Variants in CAPN14 observed in about 807,000 individuals in gnomAD.
CAPN14 encodes the protein calpain 14.
A neutral mutation model predicts 101.3 loss-of-function variants in CAPN14; 94 were observed. The ratio of observed to expected loss-of-function variants is 0.93; its 90% confidence interval spans 0.79 to 1.10. The LOEUF is 1.10. Among genes scored for constraint, CAPN14 ranks in the 50% least tolerant of loss-of-function variants. The pLI is 0.00. For missense variants in CAPN14, 837 were observed against 828.4 expected (o/e 1.01, Z -0.13); for synonymous variants, 338 against 317.9 (o/e 1.06, Z -0.67).
chr2:31,176,195 T>A (rs552354163), intron 21 of CAPN14, among the ~76,000 whole-genome samples: 5 of 152,172 alleles, frequency 3.3e-5, no homozygotes, highest in Non-Finnish European at 5.9e-5. Context: ...CAGAGTTTCC[T>A]CAGTTCAGGT....
Position 31,230,142 on chromosome 2 carries a change from A to G in CAPN14, c.-176-3491T>C, listed in dbSNP as rs181190074. On this transcript the variant is annotated intron_variant and NMD_transcript_variant, in intron 1 of 21. Coordinates refer to the CAPN14 transcript ENST00000398824. The surrounding 1 kb of genome is among the most constrained non-coding windows in gnomAD (Gnocchi z 4.3). ...ATTTCATCACCCAGGTGTTAAGTCT[A>G]GTAACCAATAGTTCTTGCTTTTTGT... Among the ~76,000 whole-genome samples the G allele has an allele frequency of 7.3e-3, 1,108 of 152,324 alleles. 8 individuals are homozygous for G. Among genetic ancestry groups the G allele is most frequent in the East Asian group, 0.014 (72 of 5,186 alleles).
At chr2:31,196,031 GCAT>G (rs1321066292) in intron 8 of CAPN14, among the ~76,000 whole-genome samples, 1 of 152,036 alleles carries the variant, frequency 6.6e-6, no homozygotes, top group Non-Finnish European at 1.5e-5. Context: ...TAAAAGTGCC[GCAT>G]ATTCTCAAGG....
chr2:31,197,192 A>G (rs1015730005), intron 8 of CAPN14, 57 bp downstream of exon 8: 2 of 1,174,156 alleles, frequency 1.7e-6, no homozygotes, highest in African/African-American at 3.1e-5. Flanking sequence ...TGCAAATGGC[A>G]GCCTCCTTTG....
At chr2:31,215,950 G>A (rs868851112) in intron 1 of CAPN14, among the ~76,000 whole-genome samples, 1 of 150,852 alleles carries the variant, frequency 6.6e-6, no homozygotes. Context: ...CAACAGAAAT[G>A]CTTAAATCTA....
In CAPN14 at chr2:31,201,925, A is replaced by T; in HGVS notation, c.488T>A (p.Val163Asp). Reference sequence around the variant, plus strand: ...GTTCTTATAGGTGGAGGAGACAAAGACCAGCTGGCCAGCCTCATTCACAGG... The same window carrying T: ...GTTCTTATAGGTGGAGGAGACAAAGTCCAGCTGGCCAGCCTCATTCACAGG... ...RLPVNEAGQLVFVSSTYKNLF... is the reference protein window; with the variant it reads ...RLPVNEAGQLDFVSSTYKNLF... The change falls in exon 5 of 22, where the codon GTC (valine) becomes GAC (aspartate). Residue 163 changes from valine to aspartate, a missense_variant. Coordinates refer to ENST00000403897, the MANE Select transcript of CAPN14 (RefSeq NM_001145122.2). 1 of 1,551,710 alleles carries T rather than the reference A, an allele frequency of 6.4e-7. No individual in the cohort carries two copies.
intron 12 of CAPN14, among the ~76,000 whole-genome samples, chr2:31,189,924 T>A (rs1681092172): frequency 6.6e-6 from 1 of 152,226 alleles, no homozygotes; most frequent in East Asian, 1.9e-4. Context: ...TCCATGTATG[T>A]GATATGGCAT....
At chr2:31,178,383 G>T (rs554831318) in intron 18 of CAPN14, 128 bp downstream of exon 18, 1 of 714,322 alleles carries the variant, frequency 1.4e-6, no homozygotes, top group Non-Finnish European at 2.4e-6. Flanking sequence ...CTCACCGAAG[G>T]GAGAATAGAG....
chr2:31,180,451 A>C (rs1680534277), intron 17 of CAPN14, among the ~76,000 whole-genome samples: 1 of 152,310 alleles, frequency 6.6e-6, no homozygotes, highest in South Asian at 2.1e-4. Context: ...AGGGCTGAGA[A>C]AGGACAGCTG....
intron 14 of CAPN14, 150 bp downstream of exon 14, chr2:31,188,168 G>T: frequency 1.4e-6 from 1 of 727,302 alleles, no homozygotes. Context: ...CCCAGGTACT[G>T]TTAGGATACA....
chr2:31,192,103 A>AGCAGAACACAGCAAGG lies in CAPN14; in HGVS notation c.1115-21_1115-6dup. 6.5e-7 allele frequency: 1 copy of AGCAGAACACAGCAAGG among 1,539,532 alleles called. No homozygotes were observed. The highest frequency in any genetic ancestry group is 8.8e-7 in the Non-Finnish European group (1 of 1,140,108). ...GCGGGTTCTTCCAAAATGTGTCTGG[A>AGCAGAACACAGCAAGG]GCAGAACACAGCAAGGTGAGAATGG... is the stretch of plus-strand genomic sequence containing the variant. On this transcript the variant is annotated splice_polypyrimidine_tract_variant and splice_region_variant and intron_variant, in intron 10 of 21. Coordinates refer to ENST00000403897, the MANE Select transcript of CAPN14 (RefSeq NM_001145122.2).
At chr2:31,198,974 T>C (rs1681610020) in intron 7 of CAPN14, among the ~76,000 whole-genome samples, 1 of 152,216 alleles carries the variant, frequency 6.6e-6, no homozygotes, top group African/African-American at 2.4e-5. Flanking sequence ...TTCTCTCAGT[T>C]TCAACTTTGC....
chr2:31,174,811 G>C, intron 21 of CAPN14, 104 bp from the exon 22 acceptor site: 1 of 1,111,670 alleles, frequency 9.0e-7, no homozygotes, highest in Non-Finnish European at 1.3e-6. Context: ...AACATTAATG[G>C]ATGGTTTAGC....
In CAPN14 at chr2:31,181,446, T is replaced by C. The variant is rs192019086; in HGVS notation, c.1646-446A>G. Among the ~76,000 whole-genome samples the C allele has an allele frequency of 5.4e-3, 768 of 141,826 alleles. 9 individuals carry two copies. Among genetic ancestry groups the C allele is most frequent in the African/African-American group, 0.019 (723 of 37,308 alleles). The allele number at this position is 141,826 out of a possible 152,430, so 93.0% of individuals were successfully genotyped here. On this transcript the variant is annotated intron_variant, in intron 16 of 21. Coordinates refer to ENST00000403897, the MANE Select transcript of CAPN14 (RefSeq NM_001145122.2). ...TCTTTCTTTCTTTCTTTCTTTCTTT[T>C]TCTTTCTTTTTTTCTCTTTTTCTTT...
At chr2:31,219,877 A>G (rs1682808546), upstream of CAPN14, among the ~76,000 whole-genome samples, 1 of 152,170 alleles carries the variant, frequency 6.6e-6, no homozygotes, top group Non-Finnish European at 1.5e-5. Flanking sequence ...GCAAACATTC[A>G]AAGGAGGTCA....
chr2:31,193,067 A>G (rs984694714), intron 10 of CAPN14, 64 bp downstream of exon 10: 12 of 1,445,946 alleles, frequency 8.3e-6, no homozygotes, highest in African/African-American at 2.8e-5. Context: ...CCCCCTGTGC[A>G]GTCATTCTGA....
chr2:31,181,578 T>C (rs1680633500), intron 16 of CAPN14, among the ~76,000 whole-genome samples: 1 of 150,184 alleles, frequency 6.7e-6, no homozygotes, highest in Admixed American at 6.7e-5. Flanking sequence ...ATGTGCAGGT[T>C]AGTTACGTAT....
Position 31,191,944 on chromosome 2 carries a change from G to A in CAPN14, c.1269C>T (p.Tyr423=). The A allele has an allele frequency of 6.4e-7, 1 of 1,550,584 alleles. No homozygotes were observed. Among genetic ancestry groups the A allele is most frequent in the Non-Finnish European group, 8.7e-7 (1 of 1,146,418 alleles). The part of the protein sequence containing the change: ...KRKPLLAIGF[Y]LYRMNKYHDD... ...TCAGAGGTCCACCTACCCTATACAG[G>A]TAGAAGCCAATGGCGAGGAGAGGCT... Residue 423 remains tyrosine, a synonymous_variant, in exon 11 of 22, where the codon TAC becomes TAT. Transcript: ENST00000403897.
intron 15 of CAPN14, among the ~76,000 whole-genome samples, chr2:31,187,112 C>T (rs1445168133): frequency 1.3e-5 from 2 of 152,196 alleles, no homozygotes; most frequent in Non-Finnish European, 2.9e-5. Flanking sequence ...CTCATATTCT[C>T]TGTTTTAGTG....
intron 2 of CAPN14, among the ~76,000 whole-genome samples, chr2:31,223,475 C>T (rs1558640073): frequency 6.6e-6 from 1 of 152,048 alleles, no homozygotes; most frequent in Non-Finnish European, 1.5e-5. Flanking sequence ...TTCAGAAAGA[C>T]AGTGACACCT....
Sources: gnomAD v4.1 joint callset for allele counts (sites outside exome capture counted in the v4.1 genomes callset) on GRCh38, gnomAD v4.1.1 for gene constraint, Gnocchi (gnomAD v3.1) non-coding constraint, MANE v1.5 for transcripts, NCBI Gene and HGNC (gene_info 2026-07-23, HGNC 2026-07-21) for gene names.